The following KIAA1549 variants were observed in gnomAD, a reference collection of about 807,000 sequenced individuals.
KIAA1549 encodes UPF0606 protein KIAA1549.
A neutral mutation model predicts 156.4 loss-of-function variants in KIAA1549; 70 were observed. The ratio of observed to expected loss-of-function variants is 0.45; its 90% CI spans 0.37 to 0.55. The LOEUF (loss-of-function observed/expected upper bound fraction) is 0.55, where lower values mean the gene tolerates loss of function less well. KIAA1549 is among the 20% of genes least tolerant of loss of function. The pLI is 0.00. For synonymous variants in KIAA1549, 1,103 were observed against 1,066.4 expected (o/e 1.03, Z -0.67); for missense variants, 2,428 against 2,540.9 (o/e 0.96, Z 0.96).
At chr7:138,892,820 C>A (rs1379534598) in intron 10 of KIAA1549, among the ~76,000 whole-genome samples, 11 of 152,126 alleles carry the variant, frequency 7.2e-5, no homozygotes, top group Non-Finnish European at 1.5e-5. Flanking sequence ...CCCAAGACAA[C>A]CAAAATAAAG....
At position 138,833,131 on chromosome 7, in the gene KIAA1549, CTTGCTCCGGAGGT is replaced by C. The variant is rs935829092; in HGVS notation, c.*4762_*4774del. ...CAGGCTCTAGTACTGGCGCTGGCAC[CTTGCTCCGGAGGT>C]AGAAATGACCACGGTGAAAACTCCA... On this transcript the variant is annotated 3_prime_UTR_variant, in exon 20 of 20. Coordinates refer to ENST00000422774, the MANE Select transcript of KIAA1549 (RefSeq NM_001164665.2). The C allele has an allele frequency of 2.2e-5, 5 of 232,258 alleles. No homozygotes were observed. The highest frequency in any genetic ancestry group is 1.1e-4 in the African/African-American group (5 of 45,302). The allele number at this position is 232,258 out of a possible 1,614,324, so 14.4% of individuals were successfully genotyped here. A position where few individuals can be genotyped will look rare whatever the true frequency, so the allele number is the denominator to read the frequency against.
At position 138,835,332 on chromosome 7, in the gene KIAA1549, C is replaced by T. The variant is rs963040617; in HGVS notation, c.*2574G>A. On this transcript the variant is annotated 3_prime_UTR_variant, in exon 20 of 20. Transcript: ENST00000422774. Reference sequence around the variant, plus strand: ...CTGGTGATCCGGGGGCCTGCTCACACCACACCATAACCACCGGCTGTTTAT... The same window carrying T: ...CTGGTGATCCGGGGGCCTGCTCACATCACACCATAACCACCGGCTGTTTAT... 5 of 215,146 alleles carry T rather than the reference C, an allele frequency of 2.3e-5. No individual in the cohort carries two copies. The highest frequency in any genetic ancestry group is 3.8e-5 in the Non-Finnish European group (4 of 106,662). 13.3% of individuals were successfully genotyped at this position (215,146 alleles called of 1,614,324 possible).
At chr7:138,966,998 C>G (rs1814044908) in intron 1 of KIAA1549, among the ~76,000 whole-genome samples, 1 of 152,148 alleles carries the variant, frequency 6.6e-6, no homozygotes, top group South Asian at 2.1e-4. Flanking sequence ...ACGAGGCTCC[C>G]TAAACACCCA....
chr7:138,853,063 A>G (rs1810280701), intron 16 of KIAA1549, among the ~76,000 whole-genome samples: 1 of 152,044 alleles, frequency 6.6e-6, no homozygotes, highest in Non-Finnish European at 1.5e-5. Context: ...TATACATGGG[A>G]CTCTTATTTC....
At chr7:138,933,101 G>A (rs1289940834) in intron 1 of KIAA1549, among the ~76,000 whole-genome samples, 1 of 152,084 alleles carries the variant, frequency 6.6e-6, no homozygotes, top group African/African-American at 2.4e-5. Flanking sequence ...TTCTCGTGGT[G>A]GCAGAAGCCA....
chr7:138,870,769 C>G (rs1214217580), intron 13 of KIAA1549, among the ~76,000 whole-genome samples: 1 of 152,206 alleles, frequency 6.6e-6, no homozygotes, highest in Non-Finnish European at 1.5e-5. Flanking sequence ...TGACACTGTA[C>G]CTTGCACTCA....
At chr7:138,900,330 G>A (rs1181979372) in intron 8 of KIAA1549, among the ~76,000 whole-genome samples, 2 of 152,094 alleles carry the variant, frequency 1.3e-5, no homozygotes, top group Non-Finnish European at 2.9e-5. Flanking sequence ...CCCTGACAAC[G>A]GTACAGTGGT....
At chr7:138,937,646 G>C (rs768360141) in intron 1 of KIAA1549, among the ~76,000 whole-genome samples, 11 of 152,182 alleles carry the variant, frequency 7.2e-5, no homozygotes, top group Non-Finnish European at 1.2e-4. Context: ...CCAGGCAGAG[G>C]GGGTGGCGAG....
Position 138,869,654 on chromosome 7 carries a change from C to A in KIAA1549, c.4659G>T (p.Leu1553=). The A allele has an allele frequency of 3.1e-6, 5 of 1,612,030 alleles. No homozygotes were observed. The South Asian group carries it at 3.3e-5, about 11-fold the overall frequency. The part of the protein sequence containing the change: ...GHYEFPVVDD[L]SSGDTKERHR... ...GTCGCTCCTTAGTGTCGCCCGAGGA[C>A]AGGTCGTCTACCACCGGGAACTCGT... Residue 1553 remains leucine, a synonymous_variant, in exon 14 of 20, where the codon CTG becomes CTT. Coordinates refer to ENST00000422774, the MANE Select transcript of KIAA1549 (RefSeq NM_001164665.2).
intron 1 of KIAA1549, among the ~76,000 whole-genome samples, chr7:138,935,500 A>G (rs1362816596): frequency 6.6e-6 from 1 of 152,164 alleles, no homozygotes; most frequent in African/African-American, 2.4e-5. Context: ...TCTGTCAGCC[A>G]TCTGTTTCTA....
In KIAA1549 at chr7:138,834,371, G is replaced by C; in HGVS notation, c.*3535C>G. Reference sequence around the variant, plus strand: ...GCCATGTTGCCTGGGCTGGTTTTAAGCTCTTGATCTCAAGTGATCCACCTG... The same window carrying C: ...GCCATGTTGCCTGGGCTGGTTTTAACCTCTTGATCTCAAGTGATCCACCTG... On this transcript the variant is annotated 3_prime_UTR_variant, in exon 20 of 20. Coordinates refer to ENST00000422774, the MANE Select transcript of KIAA1549 (RefSeq NM_001164665.2). The C allele has an allele frequency of 5.2e-6, 1 of 191,548 alleles. No homozygotes were observed. The highest frequency in any genetic ancestry group is 6.1e-5 in the Admixed American group (1 of 16,284). The allele number at this position is 191,548 out of a possible 1,614,324, so 11.9% of individuals were successfully genotyped here. A position where few individuals can be genotyped will look rare whatever the true frequency, so the allele number is the denominator to read the frequency against.
intron 1 of KIAA1549, among the ~76,000 whole-genome samples, chr7:138,975,071 G>A (rs1044482456): frequency 2.0e-5 from 3 of 152,106 alleles, no homozygotes; most frequent in Non-Finnish European, 1.5e-5. Context: ...GAAGGTCGGG[G>A]GTGGGCCCTG....
At chr7:138,947,743 T>C (rs766594911) in intron 1 of KIAA1549, among the ~76,000 whole-genome samples, 1 of 151,870 alleles carries the variant, frequency 6.6e-6, no homozygotes, top group Non-Finnish European at 1.5e-5. Context: ...TGCAACTGAA[T>C]CTCAATATTC....
chr7:138,894,553 A>G, intron 9 of KIAA1549, 27 bp from the exon 10 acceptor site: 1 of 1,611,004 alleles, frequency 6.2e-7, no homozygotes. Flanking sequence ...AAGGTCTTTC[A>G]ATAATTCCTT....
chr7:138,956,666 A>G (rs181119350), intron 1 of KIAA1549, among the ~76,000 whole-genome samples: 1,957 of 152,288 alleles, frequency 0.013, 15 homozygotes, highest in Non-Finnish European at 0.021. Context: ...CCTCAGCCAC[A>G]TGGAACTGTG....
intron 1 of KIAA1549, among the ~76,000 whole-genome samples, chr7:138,958,106 C>T (rs543262802): frequency 6.6e-6 from 1 of 152,368 alleles, no homozygotes; most frequent in South Asian, 2.1e-4. Context: ...CTGTTATCCT[C>T]TGGATACATG....
chr7:138,951,449 G>C (rs978026590), intron 1 of KIAA1549, among the ~76,000 whole-genome samples: 5 of 152,018 alleles, frequency 3.3e-5, no homozygotes, highest in Non-Finnish European at 7.4e-5. Flanking sequence ...GTGTTTCCTT[G>C]AGTGCACAGT....
chr7:138,947,260 C>T (rs73729974), intron 1 of KIAA1549, among the ~76,000 whole-genome samples: 1,587 of 152,308 alleles, frequency 0.01, 20 homozygotes, highest in African/African-American at 0.037. Context: ...ATGGCTTCTA[C>T]GTACTGAATG....
chr7:138,871,195 C>T lies in KIAA1549; in HGVS notation c.4513G>A (p.Ala1505Thr). The T allele has an allele frequency of 6.8e-6, 11 of 1,613,266 alleles. No individual in the cohort carries two copies. The highest frequency in any genetic ancestry group is 9.3e-6 in the Non-Finnish European group (11 of 1,179,878). Residue 1505 changes from alanine to threonine, a missense_variant, in exon 13 of 20, where the codon GCC becomes ACC. By Grantham distance (58) the Ala-to-Thr change is moderately conservative (BLOSUM62 0). Transcript: ENST00000422774. ...TTATTGCTTTCCGCCACTCGGTCGG[C>T]TGGGGAGGGGCGCTGGACGGGAGGT... ...PAPPVQRPSP[A>T]DRVAESNKIN...
Sources: gnomAD v4.1 joint callset for allele counts (sites outside exome capture counted in the v4.1 genomes callset) on GRCh38, gnomAD v4.1.1 for gene constraint, MANE v1.5 for transcripts, NCBI Gene and HGNC (gene_info 2026-07-23, HGNC 2026-07-21) for gene names.